The following SORCS2 variants were observed in gnomAD, a reference collection of about 807,000 sequenced individuals.
SORCS2 encodes the protein VPS10 domain-containing receptor SorCS2.
SORCS2 carries 100 observed loss-of-function variants against 141.6 expected under a neutral mutation model. That is an observed-to-expected ratio of 0.71 (90% CI 0.60 to 0.83). SORCS2 has a LOEUF of 0.83. SORCS2 is among the 40% of genes least tolerant of loss of function. The pLI is 0.00. For missense variants in SORCS2, 1,646 were observed against 1,560.2 expected, an observed-to-expected ratio of 1.05 and a Z score of -0.93; for synonymous variants, 789 against 676.9, an observed-to-expected ratio of 1.17 and a Z score of -2.57.
intron 1 of SORCS2, among the ~76,000 whole-genome samples, chr4:7,294,216 C>T (rs10937800): frequency 0.38 from 57,254 of 152,018 alleles, 11,003 homozygotes; most frequent in South Asian, 0.47. Flanking sequence ...GAGGCAGTGC[C>T]GGGGCGTAGG....
intron 1 of SORCS2, among the ~76,000 whole-genome samples, chr4:7,298,818 G>A (rs890913612): frequency 6.6e-6 from 1 of 152,210 alleles, no homozygotes; most frequent in African/African-American, 2.4e-5. Flanking sequence ...CCCCTGTTCT[G>A]CAAACATCCC....
intron 2 of SORCS2, among the ~76,000 whole-genome samples, chr4:7,420,073 A>T (rs1001834442): frequency 2.0e-5 from 3 of 152,210 alleles, no homozygotes; most frequent in African/African-American, 7.2e-5. Flanking sequence ...CATGGATTAT[A>T]CACAGAGGAC....
At chr4:7,607,291 C>G (rs962976074) in intron 3 of SORCS2, among the ~76,000 whole-genome samples, 59 of 152,184 alleles carry the variant, frequency 3.9e-4, no homozygotes, top group African/African-American at 1.3e-3. Context: ...GGATCTGAGA[C>G]AGATGCTCCA....
At chr4:7,550,206 T>C (rs1367519978) in intron 3 of SORCS2, among the ~76,000 whole-genome samples, 2 of 151,312 alleles carry the variant, frequency 1.3e-5, no homozygotes, top group East Asian at 2.0e-4. Flanking sequence ...TCAACTGCAG[T>C]TGCCTCCCTG....
At chr4:7,521,774 A>C (rs1261653456) in intron 2 of SORCS2, among the ~76,000 whole-genome samples, 1 of 152,182 alleles carries the variant, frequency 6.6e-6, no homozygotes, top group East Asian at 1.9e-4. Flanking sequence ...CCATATATAA[A>C]GTGCAGGTGT....
At chr4:7,486,812 C>T (rs60859012) in intron 2 of SORCS2, among the ~76,000 whole-genome samples, 9 of 152,232 alleles carry the variant, frequency 5.9e-5, no homozygotes, top group African/African-American at 1.2e-4. Context: ...GTCTGTCTCT[C>T]GTGAGGACAC....
chr4:7,734,269 C>G lies in SORCS2; in HGVS notation c.3209-3C>G. On this transcript the variant is annotated splice_polypyrimidine_tract_variant and splice_region_variant and intron_variant, in intron 24 of 26. Coordinates refer to ENST00000507866, the MANE Select transcript of SORCS2 (RefSeq NM_020777.3). ...CCTCCACTGACAACCGCTTTGCTTGCAGGTGCTGAGCAGCTGGGCGGCGGT... is the reference window on the plus strand; with the variant it reads ...CCTCCACTGACAACCGCTTTGCTTGGAGGTGCTGAGCAGCTGGGCGGCGGT... 6.3e-7 allele frequency: 1 copy of G among 1,593,448 alleles called. No homozygotes were observed. Among genetic ancestry groups the G allele is most frequent in the Non-Finnish European group, 8.5e-7 (1 of 1,171,138 alleles).
intron 1 of SORCS2, among the ~76,000 whole-genome samples, chr4:7,330,674 G>A (rs954766800): frequency 2.0e-5 from 3 of 152,068 alleles, no homozygotes; most frequent in African/African-American, 7.2e-5. Context: ...GCTCTGCAGT[G>A]CAACTTACAT....
At chr4:7,510,256 G>A (rs1199512700) in intron 2 of SORCS2, among the ~76,000 whole-genome samples, 1 of 152,240 alleles carries the variant, frequency 6.6e-6, no homozygotes, top group Non-Finnish European at 1.5e-5. Context: ...CCTCCGCTGA[G>A]TGTCCGGGTG....
intron 2 of SORCS2, among the ~76,000 whole-genome samples, chr4:7,514,158 T>C (rs921058589): frequency 2.0e-5 from 3 of 152,108 alleles, no homozygotes; most frequent in Non-Finnish European, 2.9e-5. Flanking sequence ...CTCCATGGCA[T>C]GAAGCGGGGG....
chr4:7,637,338 C>T (rs1720326781), intron 3 of SORCS2, among the ~76,000 whole-genome samples: 1 of 152,110 alleles, frequency 6.6e-6, no homozygotes, highest in African/African-American at 2.4e-5. Flanking sequence ...TCCCTGGGGA[C>T]CCCCGGCTCA....
intron 2 of SORCS2, among the ~76,000 whole-genome samples, chr4:7,481,891 C>T (rs55739784): frequency 0.045 from 4,638 of 104,134 alleles, 384 homozygotes; most frequent in East Asian, 0.13. Context: ...CACCTGACGC[C>T]GTTCAGACCT....
At chr4:7,430,311 A>T (rs1404713363) in intron 2 of SORCS2, 1 of 152,174 alleles carries the variant, frequency 6.6e-6, no homozygotes, top group African/African-American at 2.4e-5. Flanking sequence ...GTATATTTGT[A>T]TCTGGTTTGA....
At chr4:7,480,633 C>T (rs944014318) in intron 2 of SORCS2, among the ~76,000 whole-genome samples, 2 of 152,256 alleles carry the variant, frequency 1.3e-5, no homozygotes, top group Admixed American at 6.5e-5. Flanking sequence ...CACAGTGAAA[C>T]TGGGATGGCA....
chr4:7,301,272 A>G (rs1717412249), intron 1 of SORCS2, among the ~76,000 whole-genome samples: 1 of 152,162 alleles, frequency 6.6e-6, no homozygotes, highest in South Asian at 2.1e-4. Context: ...GACGTTGAAG[A>G]CACAGCAGCT....
At chr4:7,376,235 G>T (rs994674584) in intron 1 of SORCS2, among the ~76,000 whole-genome samples, 2 of 150,948 alleles carry the variant, frequency 1.3e-5, no homozygotes, top group Admixed American at 6.6e-5. Context: ...TAAATATAAA[G>T]CATGCTTATT....
At position 7,336,250 on chromosome 4, in the gene SORCS2, C is replaced by T. The variant is rs568046721; in HGVS notation, c.481-60038C>T. On this transcript the variant is annotated intron_variant, in intron 1 of 26. Coordinates refer to ENST00000507866, the MANE Select transcript of SORCS2 (RefSeq NM_020777.3). ...CTCCCTCACTGGGGTTTCAGGGAGC[C>T]GTCTGCTCTGCTGAAGGGAGGAGAA... 2.0e-5 allele frequency among the ~76,000 whole-genome samples: 3 copies of T among 152,236 alleles called. No individual in the cohort carries two copies. The East Asian group carries it at 5.8e-4, about 29-fold the overall frequency.
chr4:7,715,260 T>C lies in SORCS2; in HGVS notation c.2201T>C (p.Leu734Ser). 6.2e-7 allele frequency: 1 copy of C among 1,613,964 alleles called. No individual in the cohort carries two copies. The highest frequency in any genetic ancestry group is 8.5e-7 in the Non-Finnish European group (1 of 1,179,862). The change falls in exon 17 of 27, where the codon TTG becomes TCG. Residue 734 changes from leucine to serine, a missense_variant. Coordinates refer to ENST00000507866, the MANE Select transcript of SORCS2 (RefSeq NM_020777.3). Reference protein sequence around the residue: ...KCSANFWFNPLSPPDDCALGQ... With the variant: ...KCSANFWFNPSSPPDDCALGQ... The stretch of plus-strand genomic sequence containing the variant: ...TCTGCCAACTTCTGGTTTAACCCAT[T>C]GTCCCCGCCTGACGACTGTGCCCTG...
intron 2 of SORCS2, among the ~76,000 whole-genome samples, chr4:7,521,871 C>T (rs2109506985): frequency 6.6e-6 from 1 of 152,358 alleles, no homozygotes; most frequent in South Asian, 2.1e-4. Context: ...GGCACTCAGC[C>T]TCGCAGCTGT....
Sources: gnomAD v4.1 joint callset for allele counts (sites outside exome capture counted in the v4.1 genomes callset) on GRCh38, gnomAD v4.1.1 for gene constraint, MANE v1.5 for transcripts, NCBI Gene and HGNC (gene_info 2026-07-23, HGNC 2026-07-21) for gene names.